Variants in DNAH5 observed in about 807,000 individuals in gnomAD.
DNAH5 encodes dynein axonemal heavy chain 5, also known as axonemal beta dynein heavy chain 5.
Under a neutral mutation model 518.2 loss-of-function variants are expected in DNAH5, and 372 were observed. The observed-to-expected ratio is 0.72, with a 90% CI of 0.66 to 0.78. The LOEUF is 0.78. DNAH5 is among the 30% of genes least tolerant of loss of function. DNAH5 has a pLI of 0.00. For missense variants in DNAH5, 5,523 were observed against 5,687.0 expected (o/e 0.97, Z 0.93); for synonymous variants, 2,039 against 2,025.9 (o/e 1.01, Z -0.17).
intron 7 of DNAH5, 103 bp from the exon 8 acceptor site, chr5:13,917,359 C>T (rs1160960601): frequency 1.2e-6 from 1 of 817,814 alleles, no homozygotes; most frequent in Non-Finnish European, 2.1e-6. Context: ...GCGAGACCTT[C>T]TGTCCATCTC....
At chr5:13,980,412 G>A (rs946800922) in intron 1 of DNAH5, among the ~76,000 whole-genome samples, 18 of 151,982 alleles carry the variant, frequency 1.2e-4, no homozygotes, top group African/African-American at 2.9e-4. Flanking sequence ...TCTCAGATTC[G>A]GGCATCGAAC....
intron 46 of DNAH5, among the ~76,000 whole-genome samples, 166 bp from the exon 47 acceptor site, chr5:13,807,891 T>C (rs1164303522): frequency 6.6e-6 from 1 of 152,104 alleles, no homozygotes; most frequent in Non-Finnish European, 1.5e-5. Context: ...AAAATAAAGC[T>C]GTTGGATGAG....
At chr5:13,845,867 A>G (rs1207634711) in intron 31 of DNAH5, among the ~76,000 whole-genome samples, 8 of 125,124 alleles carry the variant, frequency 6.4e-5, no homozygotes, top group African/African-American at 2.2e-4. Context: ...GTCTCAGTCT[A>G]TCACCAGGGC....
chr5:13,876,609 A>C, intron 22 of DNAH5, 75 bp downstream of exon 22: 1 of 1,570,614 alleles, frequency 6.4e-7, no homozygotes, highest in African/African-American at 1.4e-5. Context: ...ATAAAGGACA[A>C]CTTTGTGATG....
At chr5:13,845,413 CTAA>C (rs1765849011) in intron 31 of DNAH5, among the ~76,000 whole-genome samples, 1 of 151,940 alleles carries the variant, frequency 6.6e-6, no homozygotes, top group Admixed American at 6.6e-5. Context: ...ACTGTGCCAT[CTAA>C]AAGCTCCCTA....
chr5:13,866,082 A>G, intron 26 of DNAH5, 138 bp downstream of exon 26: 3 of 915,540 alleles, frequency 3.3e-6, no homozygotes, highest in Non-Finnish European at 3.4e-6. Flanking sequence ...TTGTAATCCT[A>G]CAATATCGTA....
In DNAH5 at chr5:13,758,978, G is replaced by T. The variant is rs1751410802; in HGVS notation, c.10287C>A (p.Asn3429Lys). 1.2e-6 allele frequency: 2 copies of T among 1,614,100 alleles called. No homozygotes were observed. The highest frequency in any genetic ancestry group is 1.7e-6 in the Non-Finnish European group (2 of 1,180,018). ...INKEVLPLKA[N>K]LVVQENRHLL... ...GATGGCGATTCTCTTGCACCACCAA[G>T]TTGGCCTGCACAGGACACACACAGA... The change falls in exon 61 of 79, where the codon AAC (asparagine) becomes AAA (lysine). Residue 3429 changes from asparagine (N) to lysine (K), a missense_variant. Physicochemically the swap from Asn to Lys is moderately conservative, Grantham distance 94. This residue lies in a region of DNAH5 where 5,121 missense variants were observed against 5,223.3 expected (regional missense o/e 0.98). Transcript: ENST00000265104.
At chr5:13,981,259 G>A (rs1467604509) in intron 1 of DNAH5, among the ~76,000 whole-genome samples, 1 of 152,174 alleles carries the variant, frequency 6.6e-6, no homozygotes, top group Non-Finnish European at 1.5e-5. Flanking sequence ...AGATGATTCA[G>A]ATGTCAGTGA....
At chr5:13,970,127 G>A (rs1781774093) in intron 1 of DNAH5, among the ~76,000 whole-genome samples, 1 of 152,026 alleles carries the variant, frequency 6.6e-6, no homozygotes. Context: ...CTCGCTTTTG[G>A]TGTTCATTTG....
At position 13,866,128 on chromosome 5, in the gene DNAH5, G is replaced by A; in HGVS notation, c.4116+92C>T. On this transcript the variant is annotated intron_variant, in intron 26 of 78. Coordinates refer to ENST00000265104, the MANE Select transcript of DNAH5 (RefSeq NM_001369.3). ...AAGTACATACCATATTCCACAATAG[G>A]GCCCTCTATCTTACAAAGAAGAAAA... The A allele has an allele frequency of 3.4e-6, 4 of 1,168,666 alleles. No individual in the cohort carries two copies. The South Asian group carries it at 5.3e-5, about 15-fold the overall frequency. 72.4% of individuals were successfully genotyped at this position (1,168,666 alleles called of 1,614,324 possible). A position where few individuals can be genotyped will look rare whatever the true frequency, so the allele number is the denominator to read the frequency against.
At position 13,862,593 on chromosome 5, in the gene DNAH5, T is replaced by C; in HGVS notation, c.4751A>G (p.Asn1584Ser). ...RGDSTSEIIANMEDSLMLLGS... is the reference protein window; with the variant it reads ...RGDSTSEIIASMEDSLMLLGS... ...CAGCAACATCAAGCTGTCCTCCATG[T>C]TGGCGATGATTTCCGAGGTACTGTC... The change falls in exon 29 of 79, where the codon AAC becomes AGC. Residue 1584 changes from asparagine (N) to serine (S), a missense_variant. By Grantham distance (46) the Asn-to-Ser change is conservative. This residue lies in a region of DNAH5 where 5,121 missense variants were observed against 5,223.3 expected (regional missense o/e 0.98). Coordinates refer to ENST00000265104, the MANE Select transcript of DNAH5 (RefSeq NM_001369.3). 8 of 1,614,048 alleles carry C rather than the reference T, an allele frequency of 5.0e-6. No homozygotes were observed. Among genetic ancestry groups the C allele is most frequent in the Non-Finnish European group, 6.8e-6 (8 of 1,179,970 alleles).
chr5:13,826,472 G>A (rs1157449947), intron 38 of DNAH5, among the ~76,000 whole-genome samples: 1 of 152,142 alleles, frequency 6.6e-6, no homozygotes, highest in East Asian at 1.9e-4. Context: ...CATGGGGGTG[G>A]CTACCTCATG....
At chr5:13,949,048 T>A (rs1345043552), upstream of DNAH5, among the ~76,000 whole-genome samples, 1 of 151,912 alleles carries the variant, frequency 6.6e-6, no homozygotes, top group East Asian at 1.9e-4. Context: ...CAAATAACAA[T>A]GGAACTTGAC....
In DNAH5 at chr5:13,864,542, T is replaced by C; in HGVS notation, c.4451A>G (p.Glu1484Gly). The C allele has an allele frequency of 1.9e-6, 3 of 1,614,132 alleles. No individual in the cohort carries two copies. Among genetic ancestry groups the C allele is most frequent in the Non-Finnish European group, 2.5e-6 (3 of 1,180,024 alleles). Residue 1484 changes from glutamate to glycine, a missense_variant, in exon 28 of 79, where the codon GAA becomes GGA. By Grantham distance (98) the Glu-to-Gly change is moderately conservative (BLOSUM62 -2). Transcript: ENST00000265104. The part of the protein sequence containing the change: ...DDFSECCPLL[E>G]YMASKAMMER... ...CATCATGGCTTTACTGGCCATGTAT[T>C]CCAGCAGCGGGCAACACTCGCTGAA...
chr5:13,715,707 AC>A (rs1216893013), intron 74 of DNAH5, among the ~76,000 whole-genome samples: 1 of 152,242 alleles, frequency 6.6e-6, no homozygotes, highest in Admixed American at 6.5e-5. Context: ...AGACGCAGTC[AC>A]CTTGAAAATC....
chr5:13,771,088 T>G (rs1202494072), intron 55 of DNAH5, 108 bp from the exon 56 acceptor site: 1 of 985,998 alleles, frequency 1.0e-6, no homozygotes. Context: ...TGCAAACCAT[T>G]TTTGTAGCCC....
chr5:13,835,393 T>C (rs1245288390), intron 35 of DNAH5, among the ~76,000 whole-genome samples: 1 of 152,216 alleles, frequency 6.6e-6, no homozygotes, highest in East Asian at 1.9e-4. Flanking sequence ...GAAACATTTC[T>C]TTTCTAACAG....
intron 1 of DNAH5, among the ~76,000 whole-genome samples, chr5:13,938,527 T>G (rs1468845081): frequency 6.7e-6 from 1 of 149,578 alleles, no homozygotes; most frequent in Non-Finnish European, 1.5e-5. Context: ...CATAGGTATA[T>G]ATATGTACAT....
At chr5:13,892,946 A>C (rs1039986866) in intron 16 of DNAH5, among the ~76,000 whole-genome samples, 1 of 152,200 alleles carries the variant, frequency 6.6e-6, no homozygotes, top group Non-Finnish European at 1.5e-5. Flanking sequence ...CATATTCAAA[A>C]ACTCCATTAT....
Sources: allele counts gnomAD v4.1 joint callset (sites outside exome capture counted in the v4.1 genomes callset), GRCh38; gene constraint gnomAD v4.1.1; regional missense constraint gnomAD v4.1.1; transcripts MANE v1.5; gene names NCBI Gene and HGNC (gene_info 2026-07-23, HGNC 2026-07-21).